Variants in PCDHA4 observed in about 807,000 individuals in gnomAD.
PCDHA4 encodes protocadherin alpha 4.
In PCDHA4, 49 loss-of-function variants were observed where a neutral mutation model predicts 61.4. The observed-to-expected ratio is 0.80, with a 90% CI of 0.63 to 1.01. The LOEUF is 1.01. Among genes scored for constraint, PCDHA4 ranks in the 50% least tolerant of loss-of-function variants. The pLI is 0.00. For synonymous variants in PCDHA4, 590 were observed against 550.3 expected, an observed-to-expected ratio of 1.07 and a Z score of -1.01; for missense variants, 1,254 against 1,235.8, an observed-to-expected ratio of 1.01 and a Z score of -0.22.
At chr5:140,836,548 G>A in intron 1 of PCDHA4, 2 of 1,613,750 alleles carry the variant, frequency 1.2e-6, no homozygotes, top group Admixed American at 1.7e-5. Flanking sequence ...ACGGCGTTGC[G>A]GTGCTCAGCG....
intron 1 of PCDHA4, chr5:140,968,382 A>G: frequency 6.2e-7 from 1 of 1,614,050 alleles, no homozygotes; most frequent in Non-Finnish European, 8.5e-7. Flanking sequence ...TCCTTTGACT[A>G]TGAGAAGTTT....
chr5:140,837,869 G>T (rs1367921938), intron 1 of PCDHA4, among the ~76,000 whole-genome samples: 1 of 151,606 alleles, frequency 6.6e-6, no homozygotes, highest in African/African-American at 2.4e-5. Flanking sequence ...TGTAGAGACA[G>T]GGTGGAGTCT....
intron 3 of PCDHA4, among the ~76,000 whole-genome samples, chr5:141,006,384 T>G (rs181638891): frequency 6.6e-6 from 1 of 152,126 alleles, no homozygotes; most frequent in African/African-American, 2.4e-5. Flanking sequence ...GCTAAGTTTT[T>G]TCTATTTTTT....
intron 1 of PCDHA4, chr5:140,967,579 C>T: frequency 7.4e-6 from 12 of 1,614,154 alleles, no homozygotes; most frequent in Non-Finnish European, 9.3e-6. Context: ...AGGACTCACC[C>T]CCAGGCACAT....
At chr5:140,890,629 A>G (rs6883083) in intron 1 of PCDHA4, among the ~76,000 whole-genome samples, 2 of 152,158 alleles carry the variant, frequency 1.3e-5, no homozygotes, top group Admixed American at 1.3e-4. Context: ...AAAATTAAGC[A>G]TGTATCCTTG....
At position 140,856,290 on chromosome 5, in the gene PCDHA4, G is replaced by A. The variant is rs143002904; in HGVS notation, c.2385+46718G>A. 7.5e-3 allele frequency: 12,003 copies of A among 1,598,482 alleles called. 1,113 individuals are homozygous for A. The highest frequency in any genetic ancestry group is 7.4e-3 in the Non-Finnish European group (8,655 of 1,168,072). On this transcript the variant is annotated intron_variant, in intron 1 of 3. Coordinates refer to ENST00000530339, the MANE Select transcript of PCDHA4 (RefSeq NM_018907.4). ...CTTCTGGAGGTAAATCTGCAGAATG[G>A]CATTTTGTTTGTGAATTCTCGGATT...
At chr5:140,850,208 G>T (rs2150473240) in intron 1 of PCDHA4, 1 of 1,593,570 alleles carries the variant, frequency 6.3e-7, no homozygotes, top group Non-Finnish European at 8.6e-7. Flanking sequence ...CTCGGATGAG[G>T]GGCACTGACG....
At chr5:140,867,714 T>C (rs1345564202) in intron 1 of PCDHA4, 1 of 152,070 alleles carries the variant, frequency 6.6e-6, no homozygotes, top group Non-Finnish European at 1.5e-5. Flanking sequence ...CCTAAGGGTA[T>C]ATGAAAAGAC....
At chr5:140,877,273 T>C (rs1324679559) in intron 1 of PCDHA4, 2 of 1,613,722 alleles carry the variant, frequency 1.2e-6, no homozygotes, top group Non-Finnish European at 1.7e-6. Context: ...GGACGCTGAC[T>C]CCGGCTATAA....
chr5:140,884,020 G>C (rs61734917), intron 1 of PCDHA4: 236 of 1,613,292 alleles, frequency 1.5e-4, no homozygotes, highest in Non-Finnish European at 1.9e-4. Flanking sequence ...TGCCGCGGTC[G>C]GTGGGTGCAG....
chr5:140,873,889 G>T (rs1373623503), intron 1 of PCDHA4, among the ~76,000 whole-genome samples: 2 of 152,182 alleles, frequency 1.3e-5, no homozygotes, highest in South Asian at 4.1e-4. Context: ...TTGAACTCCT[G>T]ACCTCAGGTG....
At chr5:140,815,002 C>T (rs1554126657) in intron 1 of PCDHA4, 1 of 152,080 alleles carries the variant, frequency 6.6e-6, no homozygotes, top group African/African-American at 2.4e-5. Context: ...GTAGCTGTTT[C>T]CACATTTGCA....
At chr5:140,970,464 G>T (rs2096408291) in intron 1 of PCDHA4, among the ~76,000 whole-genome samples, 1 of 152,154 alleles carries the variant, frequency 6.6e-6, no homozygotes, top group African/African-American at 2.4e-5. Flanking sequence ...ATTTAAGTAG[G>T]TATAAGGCCA....
intron 1 of PCDHA4, chr5:140,868,258 G>T (rs2153230939): frequency 6.6e-6 from 1 of 151,964 alleles, no homozygotes; most frequent in East Asian, 1.9e-4. Context: ...TTCCTTTGTG[G>T]ATTCTTTTTT....
chr5:141,011,997 A>G lies in PCDHA4; in HGVS notation c.*2060A>G, dbSNP rs2098422641. ...TGTCTACTTTTAGCTTCATTCTCCCATATTTTGAAGGGTGTGTAACTTCAG... is the reference window on the plus strand; with the variant it reads ...TGTCTACTTTTAGCTTCATTCTCCCGTATTTTGAAGGGTGTGTAACTTCAG... On this transcript the variant is annotated 3_prime_UTR_variant, in exon 4 of 4. Coordinates refer to ENST00000530339, the MANE Select transcript of PCDHA4 (RefSeq NM_018907.4). 1 of 153,712 alleles carries G rather than the reference A, an allele frequency of 6.5e-6. No homozygotes were observed. Among genetic ancestry groups the G allele is most frequent in the Non-Finnish European group, 1.5e-5 (1 of 68,034 alleles). 9.5% of individuals were successfully genotyped at this position (153,712 alleles called of 1,614,324 possible).
chr5:140,882,331 C>T, intron 1 of PCDHA4: 3 of 1,614,214 alleles, frequency 1.9e-6, no homozygotes, highest in South Asian at 2.2e-5. Flanking sequence ...TTCTGATCCT[C>T]GCAGCCTGGG....
intron 1 of PCDHA4, among the ~76,000 whole-genome samples, chr5:140,924,904 AAT>A (rs1277700524): frequency 5.2e-4 from 28 of 54,160 alleles, no homozygotes; most frequent in African/African-American, 2.1e-3. Context: ...CAAAAAAAAA[AAT>A]AAAATAAAAT....
intron 3 of PCDHA4, among the ~76,000 whole-genome samples, chr5:140,989,709 C>T (rs2097355670): frequency 6.6e-6 from 1 of 152,160 alleles, no homozygotes; most frequent in South Asian, 2.1e-4. Flanking sequence ...TCTTCAGAGG[C>T]AGTCAGCTTT....
intron 1 of PCDHA4, among the ~76,000 whole-genome samples, chr5:140,971,471 G>A (rs1274091500): frequency 1.3e-5 from 2 of 152,172 alleles, no homozygotes; most frequent in African/African-American, 4.8e-5. Context: ...TATAGGGAGA[G>A]AGTGTCACAT....
Sources: gnomAD v4.1 joint callset for allele counts (sites outside exome capture counted in the v4.1 genomes callset) on GRCh38, gnomAD v4.1.1 for gene constraint, MANE v1.5 for transcripts, NCBI Gene and HGNC (gene_info 2026-07-23, HGNC 2026-07-21) for gene names.